POLB: variants seen among roughly 807,000 people sequenced by gnomAD.
POLB encodes DNA polymerase beta, also known as 5'-dRP lyase.
In POLB, 37 loss-of-function variants were observed where a neutral mutation model predicts 52.7. The ratio of observed to expected loss-of-function variants is 0.70; its 90% CI spans 0.54 to 0.92. POLB has a LOEUF of 0.92. POLB is among the 40% of genes least tolerant of loss of function. The pLI, the probability that POLB is intolerant of heterozygous loss-of-function variation, is 0.00. For synonymous variants in POLB, 138 were observed against 131.3 expected, an observed-to-expected ratio of 1.05 and a Z score of -0.35; for missense variants, 313 against 400.8, an observed-to-expected ratio of 0.78 and a Z score of 1.87.
chr8:42,369,479 G>A, intron 12 of POLB, 144 bp downstream of exon 12: 1 of 570,418 alleles, frequency 1.8e-6, no homozygotes, highest in Non-Finnish European at 3.1e-6. Context: ...CAAATGCAAT[G>A]TTTAGCTCCA....
intron 11 of POLB, among the ~76,000 whole-genome samples, chr8:42,362,905 G>C (rs3136780): frequency 6.6e-6 from 1 of 151,730 alleles, no homozygotes; most frequent in East Asian, 2.0e-4. Flanking sequence ...CGGGTGGATC[G>C]CCTGAGGTCG....
chr8:42,356,474 A>G (rs1400429949), intron 7 of POLB, among the ~76,000 whole-genome samples: 2 of 152,220 alleles, frequency 1.3e-5, no homozygotes, highest in Non-Finnish European at 2.9e-5. Context: ...AAAATATACA[A>G]TTCAGTGACT....
intron 6 of POLB, chr8:42,354,289 T>C: frequency 2.6e-6 from 1 of 378,916 alleles, no homozygotes; most frequent in South Asian, 2.0e-5. Flanking sequence ...TTAAGTGCTC[T>C]ATATTTCATA....
intron 11 of POLB, among the ~76,000 whole-genome samples, chr8:42,363,461 G>A (rs555968315): frequency 7.3e-6 from 1 of 137,656 alleles, no homozygotes; most frequent in East Asian, 2.4e-4. Flanking sequence ...CCGGGAGGCA[G>A]AGGTTGCACT....
chr8:42,367,849 G>A (rs1329309039), intron 11 of POLB, among the ~76,000 whole-genome samples: 1 of 152,136 alleles, frequency 6.6e-6, no homozygotes, highest in Non-Finnish European at 1.5e-5. Context: ...TATACGGTGA[G>A]TGCCATTCAG....
chr8:42,366,571 G>A (rs1406113383), intron 11 of POLB, among the ~76,000 whole-genome samples: 1 of 152,200 alleles, frequency 6.6e-6, no homozygotes, highest in East Asian at 1.9e-4. Flanking sequence ...TGAGCATGCT[G>A]TTTTGACATT....
At chr8:42,341,907 G>T in intron 2 of POLB, 1 of 642,186 alleles carries the variant, frequency 1.6e-6, no homozygotes, top group Non-Finnish European at 2.9e-6. Context: ...TCATAGACTG[G>T]ATTCTCTCCT....
intron 2 of POLB, among the ~76,000 whole-genome samples, chr8:42,343,516 C>CA (rs11405665): frequency 0.72 from 103,653 of 144,478 alleles, 41,313 homozygotes; most frequent in Non-Finnish European, 0.88. Flanking sequence ...GACTCCATCT[C>CA]AAAAAAAAAG....
intron 2 of POLB, among the ~76,000 whole-genome samples, chr8:42,343,280 C>T (rs1437210008): frequency 7.3e-6 from 1 of 137,618 alleles, no homozygotes; most frequent in Non-Finnish European, 1.5e-5. Context: ...CGAGATTGCG[C>T]CACTGCACTC....
chr8:42,339,164 C>A, intron 2 of POLB, 95 bp downstream of exon 2: 1 of 966,580 alleles, frequency 1.0e-6, no homozygotes, highest in Non-Finnish European at 1.7e-6. Flanking sequence ...GATATTTGGT[C>A]CATCTGCAAG....
intron 5 of POLB, 33 bp downstream of exon 5, chr8:42,350,098 CAGTT>C (rs776830689): frequency 1.1e-5 from 16 of 1,420,640 alleles, no homozygotes; most frequent in African/African-American, 8.4e-5. Context: ...ACACAATCGT[CAGTT>C]AGTTTATTTT....
intron 3 of POLB, among the ~76,000 whole-genome samples, chr8:42,348,638 C>T (rs1208859168): frequency 1.3e-5 from 2 of 152,268 alleles, no homozygotes; most frequent in Admixed American, 1.3e-4. Context: ...AGGAGCTTGA[C>T]AACCTCTGTT....
At chr8:42,342,676 T>A in intron 2 of POLB, 1 of 535,800 alleles carries the variant, frequency 1.9e-6, no homozygotes. Context: ...CACTAGGGGG[T>A]GGAAAGGCGG....
intron 2 of POLB, among the ~76,000 whole-genome samples, chr8:42,341,493 A>C (rs1428456802): frequency 1.3e-5 from 2 of 152,238 alleles, no homozygotes; most frequent in Non-Finnish European, 2.9e-5. Context: ...TCCAAAGACT[A>C]TCCAGTGTTT....
intron 9 of POLB, among the ~76,000 whole-genome samples, chr8:42,358,261 G>A (rs1223016716): frequency 6.6e-6 from 1 of 152,038 alleles, no homozygotes; most frequent in Non-Finnish European, 1.5e-5. Flanking sequence ...CCAGCACTTT[G>A]GGAGGCCGAG....
chr8:42,352,671 G>T, intron 6 of POLB, 103 bp downstream of exon 6: 1 of 734,932 alleles, frequency 1.4e-6, no homozygotes. Flanking sequence ...TCAATCAGTA[G>T]ATACAAAAGA....
At chr8:42,361,013 GTTAC>G (rs1305876912) in intron 9 of POLB, 12 of 555,186 alleles carry the variant, frequency 2.2e-5, no homozygotes, top group Admixed American at 1.2e-4. Flanking sequence ...TTATTGAGTA[GTTAC>G]TTAGGTGCAT....
At chr8:42,369,723 T>G (rs1215363364) in intron 12 of POLB, 126 bp from the exon 13 acceptor site, 5 of 603,010 alleles carry the variant, frequency 8.3e-6, no homozygotes, top group Non-Finnish European at 1.4e-5. Flanking sequence ...GATAGTCTTC[T>G]CTTCAAATTA....
Position 42,354,389 on chromosome 8 carries a change from A to C in POLB, c.371-1127A>C, listed in dbSNP as rs528754186. ...GGCTTGTAGGAATTGCTTTTGAAGC[A>C]TGCTTATCTTGCTGTTTCTTTAACA... is the stretch of plus-strand genomic sequence containing the variant. On this transcript the variant is annotated intron_variant, in intron 6 of 13. Coordinates refer to ENST00000265421, the MANE Select transcript of POLB (RefSeq NM_002690.3). 73 of 1,023,574 alleles carry C rather than the reference A, an allele frequency of 7.1e-5. No individual in the cohort carries two copies. The African/African-American group carries it at 1.0e-3, about 14-fold the overall frequency. The allele number at this position is 1,023,574 out of a possible 1,614,324, so 63.4% of individuals were successfully genotyped here.
Sources: gnomAD v4.1 joint callset for allele counts (sites outside exome capture counted in the v4.1 genomes callset) on GRCh38, gnomAD v4.1.1 for gene constraint, MANE v1.5 for transcripts, NCBI Gene and HGNC (gene_info 2026-07-23, HGNC 2026-07-21) for gene names.